Variants in CALHM4 observed in about 807,000 individuals in gnomAD.
CALHM4 encodes the protein calcium homeostasis modulator family member 4, also known as calcium homeostasis modulator protein 4.
CALHM4 carries 16 observed loss-of-function variants against 13.3 expected under a neutral mutation model. The ratio of observed to expected loss-of-function variants is 1.20; its 90% CI spans 0.81 to 1.82. The LOEUF is 1.82. CALHM4 is among the 40% of genes most tolerant of loss of function. The probability of loss-of-function intolerance (pLI) is 0.00; values close to 1 mark genes in which losing one functional copy is unlikely to be tolerated. For synonymous variants in CALHM4, 127 were observed against 137.1 expected (o/e 0.93, Z 0.52); for missense variants, 344 against 374.9 (o/e 0.92, Z 0.68).
chr6:116,546,247 A>G (rs1194180880), intron 2 of CALHM4, among the ~76,000 whole-genome samples: 1 of 152,194 alleles, frequency 6.6e-6, no homozygotes, highest in Non-Finnish European at 1.5e-5. Context: ...TGATAGAGAA[A>G]GTAAGCCCTT....
intron 1 of CALHM4, among the ~76,000 whole-genome samples, chr6:116,555,498 A>C (rs1774270558): frequency 6.6e-6 from 1 of 152,228 alleles, no homozygotes; most frequent in Non-Finnish European, 1.5e-5. Flanking sequence ...GTGACAACAA[A>C]GCTTACATTT....
chr6:116,531,827 G>GA (rs1388564372), intron 1 of CALHM4, among the ~76,000 whole-genome samples: 3 of 149,466 alleles, frequency 2.0e-5, no homozygotes, highest in Non-Finnish European at 4.5e-5. Context: ...ATAAATAATG[G>GA]AAAAAACAAT....
At chr6:116,552,595 T>C (rs932150435), upstream of CALHM4, among the ~76,000 whole-genome samples, 1 of 152,208 alleles carries the variant, frequency 6.6e-6, no homozygotes, top group African/African-American at 2.4e-5. Context: ...TCACTAATTA[T>C]GTATTTAACC....
Position 116,554,073 on chromosome 6 carries a change from C to T in CALHM4, c.280C>T (p.Pro94Ser), listed in dbSNP as rs1774198831. 4 of 1,550,482 alleles carry T rather than the reference C, an allele frequency of 2.6e-6. No individual in the cohort carries two copies. The highest frequency in any genetic ancestry group is 2.0e-5 in the Admixed American group (1 of 50,984). The change falls in exon 1 of 2, where the codon CCC (proline) becomes TCC (serine). Residue 94 changes from proline to serine, a missense_variant. Coordinates refer to ENST00000368596, the MANE Select transcript of CALHM4 (RefSeq NM_001366078.2). ...TGCCCCTCCATACAGGAGAATCAGC[C>T]CCCTAGAGTGCAAGCTGGCTTGCCT... ...SCAPPYRRIS[P>S]LECKLACLRF...
chr6:116,550,898 G>A (rs1480103640), upstream of CALHM4, among the ~76,000 whole-genome samples: 1 of 152,140 alleles, frequency 6.6e-6, no homozygotes, highest in Non-Finnish European at 1.5e-5. Context: ...CATCTGCCCT[G>A]TGATCAGAGA....
In CALHM4 at chr6:116,553,995, TTTGCTCTGAGAA is replaced by T. The variant is rs1476163679; in HGVS notation, c.203_214del (p.Phe68_Ser72delinsCys). On this transcript the variant is annotated inframe_deletion, in exon 1 of 2. Transcript: ENST00000368596. Reference sequence around the variant, plus strand: ...TGCCTTGATCCTTCTCGTTGCTGGCTTTGCTCTGAGAAGCCAAATGTGGACAATTACCGGTGA... The same window carrying T: ...TGCCTTGATCCTTCTCGTTGCTGGCTGCCAAATGTGGACAATTACCGGTGA... 1 of 1,550,690 alleles carries T rather than the reference TTTGCTCTGAGAA, an allele frequency of 6.4e-7. No homozygotes were observed. The highest frequency in any genetic ancestry group is 2.4e-5 in the East Asian group (1 of 40,924).
intron 1 of CALHM4, among the ~76,000 whole-genome samples, chr6:116,542,480 T>C (rs1773525690): frequency 6.6e-6 from 1 of 152,144 alleles, no homozygotes; most frequent in African/African-American, 2.4e-5. Context: ...TAGGCTAAAT[T>C]TCCCCTTCAA....
rs567522364 is a variant in CALHM4 at position 116,560,558 on chromosome 6, T to C, written c.*2347T>C. ...GCTTCAGAATGATTTATAGCATCTA[T>C]GTGAACATTTAAAAGGTAGTACACA... On this transcript the variant is annotated 3_prime_UTR_variant, in exon 2 of 2. Transcript: ENST00000368596. Among the ~76,000 whole-genome samples the C allele has an allele frequency of 6.7e-6, 1 of 149,824 alleles. No individual in the cohort carries two copies. The highest frequency in any genetic ancestry group is 2.1e-4 in the South Asian group (1 of 4,678).
At chr6:116,544,151 A>AGAGAGAGAGAGAG (rs1554238329) in intron 2 of CALHM4, among the ~76,000 whole-genome samples, 1 of 132,918 alleles carries the variant, frequency 7.5e-6, no homozygotes, top group Non-Finnish European at 1.6e-5. Flanking sequence ...AAAGGTGAAG[A>AGAGAGAGAGAGAG]AGAGAGAGAG....
In CALHM4 at chr6:116,540,263, A is replaced by T. The variant is rs1773355296; in HGVS notation, c.-108-3502A>T. On this transcript the variant is annotated intron_variant, in intron 1 of 2. Coordinates refer to the CALHM4 transcript ENST00000368597. ...TCTCCTTTCTCAGCACCTAACAATGAATGCAGATGGAACCTGTCCAATCTG... is the reference window on the plus strand; with the variant it reads ...TCTCCTTTCTCAGCACCTAACAATGTATGCAGATGGAACCTGTCCAATCTG... 3 of 1,069,106 alleles carry T rather than the reference A, an allele frequency of 2.8e-6. No homozygotes were observed. In the East Asian group the frequency reaches 7.8e-5, roughly 28 times the overall value. 66.2% of individuals were successfully genotyped at this position (1,069,106 alleles called of 1,614,324 possible).
chr6:116,532,001 C>G (rs2115193013), intron 1 of CALHM4, among the ~76,000 whole-genome samples: 1 of 152,138 alleles, frequency 6.6e-6, no homozygotes, highest in Admixed American at 6.6e-5. Context: ...TTGTCCTGTT[C>G]AGGATCCTAC....
upstream of CALHM4, chr6:116,553,645 G>C (rs1774176832): frequency 1.4e-6 from 1 of 736,300 alleles, no homozygotes; most frequent in Admixed American, 2.9e-5. Context: ...AGTACACAAG[G>C]AAAGATGCTA....
intron 1 of CALHM4, among the ~76,000 whole-genome samples, chr6:116,537,337 G>C (rs1773162890): frequency 6.6e-6 from 1 of 152,142 alleles, no homozygotes; most frequent in Non-Finnish European, 1.5e-5. Context: ...TTTTCTAATA[G>C]GGGAGAATCA....
Position 116,553,943 on chromosome 6 carries a change from T to A in CALHM4, c.150T>A (p.Tyr50Ter). The part of the protein sequence containing the change: ...SCPCQVGKNF[Y>*]YGSAFLVIPA... ...CTTGTCAGGTTGGAAAAAATTTCTA[T>A]TATGGTTCTGCTTTTCTTGTCATTC... The change falls in exon 1 of 2, where the codon TAT becomes TAA. Residue 50 changes from tyrosine (Y) to a stop codon, truncating the protein, a stop_gained. Coordinates refer to ENST00000368596, the MANE Select transcript of CALHM4 (RefSeq NM_001366078.2). LOFTEE classifies it high-confidence loss of function. 6.4e-7 allele frequency: 1 copy of A among 1,550,654 alleles called. No homozygotes were observed. Among genetic ancestry groups the A allele is most frequent in the Non-Finnish European group, 8.7e-7 (1 of 1,147,012 alleles).
rs551490264 is a variant in CALHM4 at position 116,537,403 on chromosome 6, G to A, written c.-108-6362G>A. Among the ~76,000 whole-genome samples, 37 of 152,218 alleles carry A rather than the reference G, an allele frequency of 2.4e-4. 2 individuals are homozygous for A. In the South Asian group the frequency reaches 5.2e-3, roughly 21 times the overall value. ...GTGTACCATTAGGAGGTCAAATTTC[G>A]TTAGAATCTTCTTTACTCTTTTAAA... On this transcript the variant is annotated intron_variant, in intron 1 of 2. Transcript: ENST00000368597.
intron 2 of CALHM4, chr6:116,543,892 A>C (rs2031666619): frequency 6.6e-7 from 1 of 1,512,630 alleles, no homozygotes; most frequent in African/African-American, 1.4e-5. Context: ...TTTTCTTTTT[A>C]CTTAGAGAAA....
chr6:116,557,394 T>C (rs1774372381), intron 1 of CALHM4, among the ~76,000 whole-genome samples: 1 of 152,198 alleles, frequency 6.6e-6, no homozygotes, highest in Non-Finnish European at 1.5e-5. Flanking sequence ...TATTATTATG[T>C]ATCATATCAT....
At chr6:116,553,650 A>T (rs1412467843), upstream of CALHM4, 2 of 751,030 alleles carry the variant, frequency 2.7e-6, no homozygotes, top group Non-Finnish European at 4.2e-6. Flanking sequence ...ACAAGGAAAG[A>T]TGCTAGAATC....
chr6:116,550,577 T>A (rs1397808517), upstream of CALHM4, among the ~76,000 whole-genome samples: 1 of 152,042 alleles, frequency 6.6e-6, no homozygotes, highest in Non-Finnish European at 1.5e-5. Context: ...TTGAAAAAAA[T>A]TTTTTGTTGT....
Sources: gnomAD v4.1 joint callset for allele counts (sites outside exome capture counted in the v4.1 genomes callset) on GRCh38, gnomAD v4.1.1 for gene constraint, MANE v1.5 for transcripts, NCBI Gene and HGNC (gene_info 2026-07-23, HGNC 2026-07-21) for gene names.